SCMH1: variants seen among roughly 807,000 people sequenced by gnomAD.
The protein encoded by SCMH1 is polycomb protein SCMH1.
In SCMH1, 37 loss-of-function variants were observed where a neutral mutation model predicts 70.8. That is an observed-to-expected ratio of 0.52 (90% CI 0.40 to 0.69). SCMH1 has a LOEUF of 0.69. SCMH1 is among the 30% of genes least tolerant of loss of function. The pLI, the probability that SCMH1 is intolerant of heterozygous loss-of-function variation, is 0.00. For synonymous variants in SCMH1, 292 were observed against 307.4 expected (o/e 0.95, Z 0.52); for missense variants, 607 against 827.3 (o/e 0.73, Z 3.27).
intron 10 of SCMH1, among the ~76,000 whole-genome samples, chr1:41,049,310 A>ATGTG (rs3030391): frequency 0.5 from 75,107 of 149,640 alleles, 20,809 homozygotes; most frequent in African/African-American, 0.76. Flanking sequence ...GCAAGGGCAT[A>ATGTG]TGTGTGTGTG....
intron 4 of SCMH1, among the ~76,000 whole-genome samples, chr1:41,153,657 T>C (rs1645264705): frequency 6.6e-6 from 1 of 152,198 alleles, no homozygotes; most frequent in South Asian, 2.1e-4. Flanking sequence ...GAACCTCTGT[T>C]TAAAGTAGTT....
intron 8 of SCMH1, among the ~76,000 whole-genome samples, chr1:41,092,058 T>C (rs529969231): frequency 6.6e-6 from 1 of 152,342 alleles, no homozygotes; most frequent in Admixed American, 6.5e-5. Flanking sequence ...AGAGCCCGCA[T>C]TGCCAAGACA....
At chr1:41,074,766 G>A (rs1054093380) in intron 9 of SCMH1, among the ~76,000 whole-genome samples, 3 of 152,100 alleles carry the variant, frequency 2.0e-5, no homozygotes, top group Admixed American at 6.5e-5. Flanking sequence ...TAGGGATGAC[G>A]GTCTAGGAAA....
intron 9 of SCMH1, among the ~76,000 whole-genome samples, chr1:41,071,273 T>C (rs1656398526): frequency 6.6e-6 from 1 of 152,074 alleles, no homozygotes; most frequent in Non-Finnish European, 1.5e-5. Context: ...AATGATAAGA[T>C]GTCTCTTTCA....
exon 10 of SCMH1, chr1:41,070,688 C>G: frequency 1.2e-6 from 2 of 1,614,018 alleles, no homozygotes; most frequent in Non-Finnish European, 8.5e-7. Flanking sequence ...GTTGGTGAGG[C>G]AGGTGGTGGG....
intron 8 of SCMH1, among the ~76,000 whole-genome samples, chr1:41,094,331 G>A (rs538299176): frequency 6.6e-6 from 1 of 152,264 alleles, no homozygotes; most frequent in African/African-American, 2.4e-5. Flanking sequence ...CAAGGTGCCA[G>A]CAGTTTTACT....
Position 41,048,954 on chromosome 1 carries a change from C to T in SCMH1, c.1106-64G>A, listed in dbSNP as rs138234894. ...CTGGGATAGAGAAGTCAGAGAACAG[C>T]ATCCTATTCCATCTTTTATACCTTG... On this transcript the variant is annotated intron_variant, in intron 10 of 14. Coordinates refer to ENST00000337495, the Ensembl canonical transcript of SCMH1. The T allele has an allele frequency of 1.1e-4, 159 of 1,405,014 alleles. No individual in the cohort carries two copies. In the African/African-American group the frequency reaches 1.6e-3, roughly 14 times the overall value. 87.0% of individuals were successfully genotyped at this position (1,405,014 alleles called of 1,614,324 possible). A position where few individuals can be genotyped will look rare whatever the true frequency, so the allele number is the denominator to read the frequency against.
chr1:41,073,011 T>C (rs887702468), intron 9 of SCMH1, among the ~76,000 whole-genome samples: 7 of 152,134 alleles, frequency 4.6e-5, no homozygotes, highest in African/African-American at 1.7e-4. Flanking sequence ...AAGATGAGAA[T>C]GACTGCTTTC....
chr1:41,161,213 G>C, intron 3 of SCMH1, 151 bp downstream of exon 3: 1 of 1,261,314 alleles, frequency 7.9e-7, no homozygotes, highest in Non-Finnish European at 1.1e-6. Context: ...AAAGTATATT[G>C]CTTATGACCA....
chr1:41,060,590 G>A (rs1652265846), intron 10 of SCMH1, among the ~76,000 whole-genome samples: 1 of 152,036 alleles, frequency 6.6e-6, no homozygotes, highest in Admixed American at 6.6e-5. Context: ...TATAAAGAAA[G>A]GAAGAGCATC....
At chr1:41,054,133 C>A (rs138897053) in intron 10 of SCMH1, among the ~76,000 whole-genome samples, 1 of 152,020 alleles carries the variant, frequency 6.6e-6, no homozygotes, top group African/African-American at 2.4e-5. Context: ...TGTGAACCAC[C>A]GCGCCCGGCC....
chr1:41,129,580 C>T (rs1334443025), intron 6 of SCMH1, among the ~76,000 whole-genome samples: 2 of 152,126 alleles, frequency 1.3e-5, no homozygotes, highest in Non-Finnish European at 2.9e-5. Flanking sequence ...CTCTCTCTTC[C>T]CCAGCCCCGC....
chr1:41,064,168 GA>G (rs1653770134), intron 10 of SCMH1, among the ~76,000 whole-genome samples: 1 of 152,116 alleles, frequency 6.6e-6, no homozygotes, highest in Non-Finnish European at 1.5e-5. Context: ...GATAGATGCA[GA>G]AAAAGGATGT....
rs921244137 is a variant in SCMH1, at chr1:41,221,343, A to G, written c.-118+20716T>C. ...AGTGGATGGTGGTGATGGTTGCATA[A>G]CAATGTGAATGTACTTAATGCCACA... On this transcript the variant is annotated intron_variant, in intron 1 of 14. Transcript: ENST00000337495. Among the ~76,000 whole-genome samples the G allele has an allele frequency of 3.9e-5, 6 of 152,284 alleles. 1 individual carries two copies. The highest frequency in any genetic ancestry group is 2.9e-5 in the Non-Finnish European group (2 of 68,016).
intron 8 of SCMH1, among the ~76,000 whole-genome samples, chr1:41,109,407 G>A (rs1266898808): frequency 6.6e-6 from 1 of 152,222 alleles, no homozygotes; most frequent in Non-Finnish European, 1.5e-5. Context: ...TGATTAGAAA[G>A]AGAACAGGCT....
exon 2 of SCMH1, chr1:41,186,237 G>A: frequency 1.4e-6 from 1 of 698,070 alleles, no homozygotes; most frequent in Non-Finnish European, 2.6e-6. Context: ...TTCTTTGTAT[G>A]CTAATTTCTC....
Position 41,108,252 on chromosome 1 carries a change from C to T in SCMH1, c.745+5031G>A, listed in dbSNP as rs1668483738. Among the ~76,000 whole-genome samples, 5 of 152,078 alleles carry T rather than the reference C, an allele frequency of 3.3e-5. No individual in the cohort carries two copies. In the South Asian group the frequency reaches 1.0e-3, roughly 32 times the overall value. On this transcript the variant is annotated intron_variant, in intron 8 of 14. Transcript: ENST00000337495. ...GTCACAAGAGACGAATGTACTAATC[C>T]AGAATAGCAATATATTAATTTATAA...
intron 10 of SCMH1, among the ~76,000 whole-genome samples, chr1:41,049,587 G>A (rs1647271969): frequency 1.3e-5 from 2 of 151,028 alleles, no homozygotes; most frequent in African/African-American, 4.9e-5. Context: ...CTGGTGAAGA[G>A]GTGAAACCCC....
chr1:41,212,688 G>A (rs1365881171), intron 1 of SCMH1, among the ~76,000 whole-genome samples: 4 of 152,190 alleles, frequency 2.6e-5, no homozygotes, highest in Admixed American at 6.5e-5. Context: ...AACAAGAAAC[G>A]GTCATGATAG....
Sources: gnomAD v4.1 joint callset for allele counts (sites outside exome capture counted in the v4.1 genomes callset) on GRCh38, gnomAD v4.1.1 for gene constraint, MANE v1.5 for transcripts, NCBI Gene and HGNC (gene_info 2026-07-23, HGNC 2026-07-21) for gene names.